HTR4: variants seen among roughly 807,000 people sequenced by gnomAD.
HTR4 encodes 5-hydroxytryptamine receptor 4, also known as 5-hydroxytryptamine (serotonin) receptor 4, G protein-coupled.
HTR4 carries 16 observed loss-of-function variants against 36.8 expected under a neutral mutation model. The observed-to-expected ratio is 0.43, with a 90% CI of 0.29 to 0.66. HTR4 has a LOEUF of 0.66. Among genes scored for constraint, HTR4 ranks in the 30% least tolerant of loss-of-function variants. The probability of loss-of-function intolerance (pLI) is 0.13; values close to 1 mark genes in which losing one functional copy is unlikely to be tolerated. For synonymous variants in HTR4, 189 were observed against 185.1 expected (o/e 1.02, Z -0.17); for missense variants, 438 against 490.9 (o/e 0.89, Z 1.02).
In HTR4 at chr5:148,654,068, C is replaced by T. The variant is rs1185939508; in HGVS notation, c.-54G>A. The stretch of plus-strand genomic sequence containing the variant: ...GCGCACTTGCCGCACATACCCGCTG[C>T]CAGAGGCGAGGGAGCGAGGTGCCCT... On this transcript the variant is annotated 5_prime_UTR_variant, in exon 1 of 7. Transcript: ENST00000377888. 2 of 985,234 alleles carry T rather than the reference C, an allele frequency of 2.0e-6. No homozygotes were observed. The highest frequency in any genetic ancestry group is 3.5e-5 in the African/African-American group (2 of 57,216). The allele number at this position is 985,234 out of a possible 1,614,324, so 61.0% of individuals were successfully genotyped here.
chr5:148,596,834 G>T (rs1163406071), intron 2 of HTR4, among the ~76,000 whole-genome samples: 1 of 152,164 alleles, frequency 6.6e-6, no homozygotes, highest in Admixed American at 6.6e-5. Context: ...TCTATGAAAA[G>T]CACTCTACCA....
chr5:148,463,305 TG>T (rs1449182702), intron 5 of HTR4, among the ~76,000 whole-genome samples: 2 of 150,596 alleles, frequency 1.3e-5, no homozygotes, highest in Non-Finnish European at 2.9e-5. Flanking sequence ...CCCAAGTAGA[TG>T]GGACTACAGG....
chr5:148,533,075 G>A (rs1034333942), intron 4 of HTR4, among the ~76,000 whole-genome samples: 7 of 152,114 alleles, frequency 4.6e-5, no homozygotes, highest in South Asian at 2.1e-4. Flanking sequence ...GAATTAAAAC[G>A]AAGTCAAGAG....
At chr5:148,645,208 G>C (rs1025591065) in intron 1 of HTR4, 3 of 152,072 alleles carry the variant, frequency 2.0e-5, no homozygotes, top group Non-Finnish European at 4.4e-5. Flanking sequence ...GTGGGAGGTG[G>C]CACTTTTTTC....
chr5:148,653,289 T>C (rs1754092248), intron 1 of HTR4, among the ~76,000 whole-genome samples: 1 of 152,206 alleles, frequency 6.6e-6, no homozygotes, highest in African/African-American at 2.4e-5. Context: ...AAGCCAAGAT[T>C]TTCTCTTAAC....
At chr5:148,589,664 T>C (rs1345328053) in intron 2 of HTR4, among the ~76,000 whole-genome samples, 1 of 152,198 alleles carries the variant, frequency 6.6e-6, no homozygotes, top group Admixed American at 6.5e-5. Flanking sequence ...GTTTTGGGCA[T>C]ATTTTGCCAT....
chr5:148,598,044 G>A (rs768635381), intron 2 of HTR4, among the ~76,000 whole-genome samples: 6 of 152,176 alleles, frequency 3.9e-5, no homozygotes, highest in African/African-American at 7.2e-5. Context: ...CAGAATGTTG[G>A]AGGAAGAAAA....
At chr5:148,650,871 C>T (rs2127320294) in intron 1 of HTR4, among the ~76,000 whole-genome samples, 1 of 152,300 alleles carries the variant, frequency 6.6e-6, no homozygotes, top group Non-Finnish European at 1.5e-5. Context: ...TAGAGGCAGA[C>T]TTGGATATAC....
At chr5:148,579,388 A>G (rs1761050516) in intron 2 of HTR4, among the ~76,000 whole-genome samples, 1 of 151,998 alleles carries the variant, frequency 6.6e-6, no homozygotes, top group Non-Finnish European at 1.5e-5. Context: ...GTAATTCCCT[A>G]CGTTAAGAGA....
chr5:148,485,568 C>G (rs1756112156), intron 6 of HTR4, among the ~76,000 whole-genome samples: 1 of 152,144 alleles, frequency 6.6e-6, no homozygotes, highest in Non-Finnish European at 1.5e-5. Flanking sequence ...TTTATTGCAA[C>G]ACAATATGAC....
At chr5:148,544,310 T>G (rs1334006115) in intron 4 of HTR4, among the ~76,000 whole-genome samples, 1 of 150,884 alleles carries the variant, frequency 6.6e-6, no homozygotes, top group Non-Finnish European at 1.5e-5. Context: ...CCTCTCTTTC[T>G]CTCTCTCTCC....
At chr5:148,502,294 T>C (rs1756971259) in intron 6 of HTR4, among the ~76,000 whole-genome samples, 1 of 152,140 alleles carries the variant, frequency 6.6e-6, no homozygotes, top group African/African-American at 2.4e-5. Context: ...CTCTCAGAGA[T>C]GAAGCTTCCA....
chr5:148,458,842 C>T (rs1755194284), intron 5 of HTR4, among the ~76,000 whole-genome samples: 1 of 152,144 alleles, frequency 6.6e-6, no homozygotes, highest in Non-Finnish European at 1.5e-5. Context: ...GGGGAGGTTC[C>T]TGAAGATTTT....
chr5:148,453,132 C>G (rs1354927381), intron 5 of HTR4, among the ~76,000 whole-genome samples: 1 of 152,172 alleles, frequency 6.6e-6, no homozygotes, highest in Non-Finnish European at 1.5e-5. Context: ...CTTCTTTACC[C>G]CTCAGAGGCA....
chr5:148,634,782 C>T (rs1753468904), intron 2 of HTR4, among the ~76,000 whole-genome samples: 1 of 152,182 alleles, frequency 6.6e-6, no homozygotes, highest in African/African-American at 2.4e-5. Flanking sequence ...AAACTCCTCC[C>T]TTTTCCATTC....
chr5:148,504,067 C>T (rs1463551957), intron 6 of HTR4, among the ~76,000 whole-genome samples: 1 of 152,166 alleles, frequency 6.6e-6, no homozygotes, highest in Non-Finnish European at 1.5e-5. Context: ...ACCCCACTGT[C>T]AACATTAGAC....
intron 2 of HTR4, among the ~76,000 whole-genome samples, chr5:148,554,626 G>A (rs1759846997): frequency 1.3e-5 from 2 of 152,138 alleles, no homozygotes; most frequent in Admixed American, 6.5e-5. Context: ...TTCTGGAAGT[G>A]GATAGTTGTA....
At chr5:148,473,576 G>A (rs1025572679), downstream of HTR4, among the ~76,000 whole-genome samples, 3 of 152,020 alleles carry the variant, frequency 2.0e-5, no homozygotes, top group African/African-American at 7.2e-5. Flanking sequence ...TTTTTGCCTG[G>A]CTTTCTGTTT....
chr5:148,606,332 T>A (rs1581535973), intron 2 of HTR4, among the ~76,000 whole-genome samples: 1 of 152,068 alleles, frequency 6.6e-6, no homozygotes, highest in African/African-American at 2.4e-5. Flanking sequence ...CAGGCAGGTG[T>A]AAATATGAGG....
Sources: gnomAD v4.1 joint callset for allele counts (sites outside exome capture counted in the v4.1 genomes callset) on GRCh38, gnomAD v4.1.1 for gene constraint, MANE v1.5 for transcripts, NCBI Gene and HGNC (gene_info 2026-07-23, HGNC 2026-07-21) for gene names.